MAPRE2: variants seen among roughly 807,000 people sequenced by gnomAD.
MAPRE2 encodes microtubule associated protein RP/EB family member 2, also known as microtubule-associated protein RP/EB family member 2.
In MAPRE2, 13 loss-of-function variants were observed where a neutral mutation model predicts 43.2. That is an observed-to-expected ratio of 0.30 (90% CI 0.20 to 0.48). The LOEUF is 0.48. Ranked by LOEUF, MAPRE2 falls within the 20% of genes least tolerant of loss-of-function variation. The pLI is 0.99. For synonymous variants in MAPRE2, 135 were observed against 148.8 expected, an observed-to-expected ratio of 0.91 and a Z score of 0.68; for missense variants, 161 against 400.2, an observed-to-expected ratio of 0.40 and a Z score of 5.10.
chr18:35,039,236 C>A (rs971732890), upstream of MAPRE2, among the ~76,000 whole-genome samples: 6 of 152,314 alleles, frequency 3.9e-5, no homozygotes, highest in Non-Finnish European at 7.4e-5. Context: ...GACTGTCCCC[C>A]CAAAAAGGGG....
At chr18:35,103,622 C>T (rs891902282) in intron 4 of MAPRE2, among the ~76,000 whole-genome samples, 2 of 151,990 alleles carry the variant, frequency 1.3e-5, no homozygotes, top group Non-Finnish European at 2.9e-5. Context: ...AAGCTGGAAG[C>T]AAATACTGAA....
chr18:35,077,270 C>G (rs560499544), intron 2 of MAPRE2, among the ~76,000 whole-genome samples: 16 of 85,210 alleles, frequency 1.9e-4, no homozygotes, highest in African/African-American at 1.1e-3. Flanking sequence ...CACACACACA[C>G]ATACACACAC....
chr18:35,005,322 C>G (rs1183563760), intron 1 of MAPRE2, among the ~76,000 whole-genome samples: 4 of 152,182 alleles, frequency 2.6e-5, no homozygotes, highest in African/African-American at 4.8e-5. Flanking sequence ...CTGACTTAAT[C>G]ACTTTCATAT....
At chr18:35,043,678 AT>A (rs1905476665) in intron 1 of MAPRE2, among the ~76,000 whole-genome samples, 2 of 152,220 alleles carry the variant, frequency 1.3e-5, no homozygotes, top group East Asian at 3.9e-4. Flanking sequence ...GCATCACTGC[AT>A]TTGTATTTGA....
chr18:34,997,265 C>T lies in MAPRE2; in HGVS notation c.-69-8227C>T, dbSNP rs142277182. On this transcript the variant is annotated intron_variant, in intron 1 of 7. Transcript: ENST00000413393. ...TGGCTTGTGGCCTCCAAAGGTTAAACTTTATGGACAAAATCTTATTCCATA... is the reference window on the plus strand; with the variant it reads ...TGGCTTGTGGCCTCCAAAGGTTAAATTTTATGGACAAAATCTTATTCCATA... Among the ~76,000 whole-genome samples, 515 of 152,268 alleles carry T rather than the reference C, an allele frequency of 3.4e-3. 1 individual carries two copies. Among genetic ancestry groups the T allele is most frequent in the African/African-American group, 0.012 (504 of 41,544 alleles).
chr18:35,034,427 T>A (rs1199941307), intron 2 of MAPRE2, among the ~76,000 whole-genome samples: 6 of 152,106 alleles, frequency 3.9e-5, no homozygotes, highest in Non-Finnish European at 8.8e-5. Context: ...AACCTAGGCA[T>A]TACCATTCAG....
chr18:35,092,280 A>G (rs1324271329), intron 2 of MAPRE2, among the ~76,000 whole-genome samples: 1 of 152,182 alleles, frequency 6.6e-6, no homozygotes, highest in African/African-American at 2.4e-5. Flanking sequence ...ACATAGAACA[A>G]TCCAACAGAA....
intron 1 of MAPRE2, among the ~76,000 whole-genome samples, chr18:35,042,036 C>G (rs1467355997): frequency 6.6e-6 from 1 of 152,126 alleles, no homozygotes; most frequent in Non-Finnish European, 1.5e-5. Flanking sequence ...TGCCAAAAGG[C>G]AGAAAACGGG....
chr18:35,133,227 T>C (rs915098872), intron 6 of MAPRE2, among the ~76,000 whole-genome samples: 5 of 152,220 alleles, frequency 3.3e-5, no homozygotes, highest in Non-Finnish European at 5.9e-5. Context: ...TGTAAGGCAC[T>C]GTATCTGTGG....
At chr18:35,053,163 G>A (rs1387422635) in intron 1 of MAPRE2, among the ~76,000 whole-genome samples, 2 of 152,142 alleles carry the variant, frequency 1.3e-5, no homozygotes, top group Admixed American at 6.5e-5. Context: ...GGAGGCTGAG[G>A]TGGGTGGATC....
intron 1 of MAPRE2, among the ~76,000 whole-genome samples, chr18:35,065,376 A>G (rs1397589948): frequency 6.6e-6 from 1 of 151,982 alleles, no homozygotes; most frequent in Non-Finnish European, 1.5e-5. Flanking sequence ...GTGTAACTAT[A>G]TTGTGATTAT....
At chr18:34,994,519 A>G (rs972668146) in intron 1 of MAPRE2, among the ~76,000 whole-genome samples, 1 of 152,170 alleles carries the variant, frequency 6.6e-6, no homozygotes, top group Non-Finnish European at 1.5e-5. Context: ...CAGAAAGGCC[A>G]GAGAAGGTCC....
chr18:35,072,925 AT>A (rs1167394861), intron 2 of MAPRE2, among the ~76,000 whole-genome samples: 6 of 152,050 alleles, frequency 3.9e-5, no homozygotes, highest in African/African-American at 1.5e-4. Flanking sequence ...GCTCTGAAAT[AT>A]GTTTCTCGCT....
chr18:35,014,764 C>T (rs146135269), intron 2 of MAPRE2, among the ~76,000 whole-genome samples: 32 of 152,048 alleles, frequency 2.1e-4, no homozygotes, highest in African/African-American at 6.5e-4. Flanking sequence ...TTACATCCCC[C>T]CTCACAAACT....
At position 35,000,119 on chromosome 18, in the gene MAPRE2, C is replaced by G. The variant is rs576503485; in HGVS notation, c.-69-5373C>G. Among the ~76,000 whole-genome samples the G allele has an allele frequency of 1.1e-3, 161 of 152,240 alleles. 1 individual carries two copies. Among genetic ancestry groups the G allele is most frequent in the Middle Eastern group, 3.4e-3 (1 of 294 alleles). On this transcript the variant is annotated intron_variant, in intron 1 of 7. Transcript: ENST00000413393. ...CTACAACTGAAGGGATTCAATATCT[C>G]AAAGTGGCCATGGGGAGTTTGGAAT...
intron 6 of MAPRE2, among the ~76,000 whole-genome samples, chr18:35,136,820 CTCTA>C (rs1272531513): frequency 4.6e-5 from 7 of 152,192 alleles, no homozygotes; most frequent in Admixed American, 1.3e-4. Context: ...CAGTTTGCCT[CTCTA>C]TCTAATGATT....
rs1373989092 is a variant in MAPRE2 at position 35,143,079 on chromosome 18, A to AG, written c.*2710_*2711insG. On this transcript the variant is annotated 3_prime_UTR_variant, in exon 7 of 7. Transcript: ENST00000300249. ...TCTAAGCAGAAAAGCAGGAAAAAAA[A>AG]AAAAAAAAAAGAAAGAAAAACACCT... 1 of 151,584 alleles carries AG rather than the reference A, an allele frequency of 6.6e-6. No homozygotes were observed. The highest frequency in any genetic ancestry group is 2.4e-5 in the African/African-American group (1 of 41,270). 9.4% of individuals were successfully genotyped at this position (151,584 alleles called of 1,614,324 possible). A position where few individuals can be genotyped will look rare whatever the true frequency, so the allele number is the denominator to read the frequency against.
chr18:35,006,739 C>G (rs9960968), intron 2 of MAPRE2, among the ~76,000 whole-genome samples: 3,221 of 152,226 alleles, frequency 0.021, 118 homozygotes, highest in African/African-American at 0.072. Context: ...GAGGTGAGCA[C>G]ATTACCAGAG....
At chr18:35,072,812 A>G (rs970051467) in intron 2 of MAPRE2, among the ~76,000 whole-genome samples, 1 of 152,196 alleles carries the variant, frequency 6.6e-6, no homozygotes, top group Admixed American at 6.5e-5. Flanking sequence ...TTTGATCACT[A>G]TCAAACAGAT....
Sources: gnomAD v4.1 joint callset for allele counts (sites outside exome capture counted in the v4.1 genomes callset) on GRCh38, gnomAD v4.1.1 for gene constraint, MANE v1.5 for transcripts, NCBI Gene and HGNC (gene_info 2026-07-23, HGNC 2026-07-21) for gene names.